IQCJ: variants seen among roughly 807,000 people sequenced by gnomAD.
IQCJ encodes IQ domain-containing protein J.
In IQCJ, 9 loss-of-function variants were observed where a neutral mutation model predicts 11.0. The observed-to-expected ratio is 0.82, with a 90% confidence interval of 0.49 to 1.43. The LOEUF is 1.43. Ranked by LOEUF, IQCJ falls within the 40% of genes most tolerant of loss-of-function variation. IQCJ has a pLI of 0.00. For missense variants in IQCJ, 146 were observed against 133.2 expected (o/e 1.10, Z -0.47); for synonymous variants, 55 against 51.3 (o/e 1.07, Z -0.31).
intron 3 of IQCJ, among the ~76,000 whole-genome samples, chr3:159,254,686 T>A (rs1416450878): frequency 6.6e-6 from 1 of 152,128 alleles, no homozygotes; most frequent in Non-Finnish European, 1.5e-5. Context: ...CCCTCTCCTC[T>A]TTCTATCTCC....
chr3:159,264,728 A>G (rs1032882268), downstream of IQCJ, among the ~76,000 whole-genome samples: 2 of 152,138 alleles, frequency 1.3e-5, no homozygotes, highest in Non-Finnish European at 2.9e-5. Context: ...CCTAGCTAAC[A>G]TAGCGAAACC....
chr3:159,121,709 A>G (rs1719390629), intron 1 of IQCJ, among the ~76,000 whole-genome samples: 1 of 152,166 alleles, frequency 6.6e-6, no homozygotes, highest in South Asian at 2.1e-4. Flanking sequence ...GCCTTTTGAA[A>G]CACATTTTCG....
chr3:159,171,527 C>A (rs1205392439), intron 1 of IQCJ, among the ~76,000 whole-genome samples: 3 of 152,148 alleles, frequency 2.0e-5, no homozygotes, highest in Admixed American at 2.0e-4. Flanking sequence ...GCTGCAGATT[C>A]AAGAATCATG....
chr3:159,220,747 A>G (rs1201283201), intron 1 of IQCJ, among the ~76,000 whole-genome samples: 1 of 152,166 alleles, frequency 6.6e-6, no homozygotes, highest in African/African-American at 2.4e-5. Flanking sequence ...ATGAGCAAAC[A>G]TTCACCTTGT....
chr3:159,177,426 T>C (rs1364731221), intron 1 of IQCJ, among the ~76,000 whole-genome samples: 4 of 152,104 alleles, frequency 2.6e-5, no homozygotes, highest in African/African-American at 7.2e-5. Flanking sequence ...AAAAAGACAA[T>C]GGCACAGCCA....
intron 1 of IQCJ, among the ~76,000 whole-genome samples, chr3:159,095,228 A>T (rs1717645375): frequency 6.6e-6 from 1 of 151,930 alleles, no homozygotes; most frequent in Non-Finnish European, 1.5e-5. Context: ...CAAGTGAAAA[A>T]TCACAATCTT....
intron 1 of IQCJ, among the ~76,000 whole-genome samples, chr3:159,203,445 G>A (rs1724466236): frequency 6.6e-6 from 1 of 151,374 alleles, no homozygotes; most frequent in Non-Finnish European, 1.5e-5. Context: ...TGACAGCATG[G>A]CCACAAACAT....
intron 1 of IQCJ, among the ~76,000 whole-genome samples, chr3:159,122,102 ATTTATTGGCTT>A (rs993926151): frequency 2.6e-5 from 4 of 152,046 alleles, no homozygotes; most frequent in African/African-American, 9.7e-5. Flanking sequence ...CAGGCTTCCA[ATTTATTGGCTT>A]TTTATTGGTT....
intron 1 of IQCJ, among the ~76,000 whole-genome samples, chr3:159,138,940 C>A (rs575125721): frequency 1.3e-5 from 2 of 152,146 alleles, no homozygotes; most frequent in Non-Finnish European, 2.9e-5. Flanking sequence ...TATTTGCCTA[C>A]AACAGTGAAA....
intron 1 of IQCJ, among the ~76,000 whole-genome samples, chr3:159,222,867 C>T (rs904540535): frequency 1.3e-5 from 2 of 151,946 alleles, no homozygotes; most frequent in African/African-American, 4.8e-5. Flanking sequence ...CCTGAGATTA[C>T]CAACCCAGAA....
chr3:159,075,187 G>A (rs1051467648), intron 1 of IQCJ, among the ~76,000 whole-genome samples: 2 of 152,112 alleles, frequency 1.3e-5, no homozygotes, highest in East Asian at 3.9e-4. Flanking sequence ...AATTTGCAAT[G>A]CAATATGAGA....
intron 1 of IQCJ, among the ~76,000 whole-genome samples, chr3:159,230,603 A>G (rs1260089956): frequency 2.6e-5 from 4 of 152,212 alleles, no homozygotes; most frequent in Non-Finnish European, 2.9e-5. Context: ...TCACACAGAA[A>G]GAAGGCATTA....
intron 1 of IQCJ, among the ~76,000 whole-genome samples, chr3:159,180,048 T>G (rs1456699183): frequency 6.6e-6 from 1 of 152,150 alleles, no homozygotes; most frequent in African/African-American, 2.4e-5. Flanking sequence ...TTTCACTTGG[T>G]AGAAGGCGCT....
intron 1 of IQCJ, among the ~76,000 whole-genome samples, chr3:159,103,807 G>T (rs1038181786): frequency 1.3e-5 from 2 of 152,246 alleles, no homozygotes; most frequent in African/African-American, 4.8e-5. Flanking sequence ...CCCAGCAACT[G>T]CTGAAGCTTA....
rs1449511871 is a variant in IQCJ at position 159,118,725 on chromosome 3, CA to C, written c.9+49285del. On this transcript the variant is annotated intron_variant, in intron 1 of 3. Coordinates refer to ENST00000397832, the MANE Select transcript of IQCJ (RefSeq NM_001042706.3). ...AAATATAAACCATACACATACTGAA[CA>C]CCATTTCTATGGTCTCAACTTAGGT... is the stretch of plus-strand genomic sequence containing the variant. Among the ~76,000 whole-genome samples the C allele has an allele frequency of 2.6e-5, 4 of 152,316 alleles. No individual in the cohort carries two copies. In the East Asian group the frequency reaches 7.7e-4, roughly 29 times the overall value.
At chr3:159,203,564 A>G (rs1366504317) in intron 1 of IQCJ, among the ~76,000 whole-genome samples, 1 of 152,062 alleles carries the variant, frequency 6.6e-6, no homozygotes, top group Non-Finnish European at 1.5e-5. Context: ...CAAACTCTAA[A>G]GGTAGCCTCA....
chr3:159,076,820 T>C (rs1715949442), intron 1 of IQCJ, among the ~76,000 whole-genome samples: 1 of 152,144 alleles, frequency 6.6e-6, no homozygotes, highest in South Asian at 2.1e-4. Flanking sequence ...GGCTCAAATC[T>C]GAGCATTATC....
chr3:159,138,662 G>C (rs961179127), intron 1 of IQCJ, among the ~76,000 whole-genome samples: 11 of 152,270 alleles, frequency 7.2e-5, no homozygotes, highest in African/African-American at 2.4e-4. Flanking sequence ...GGCTCTGTGT[G>C]GTGGTTGTGT....
At chr3:159,223,981 G>A (rs1190011352) in intron 1 of IQCJ, among the ~76,000 whole-genome samples, 1 of 151,766 alleles carries the variant, frequency 6.6e-6, no homozygotes, top group African/African-American at 2.4e-5. Flanking sequence ...AAGCATTTCT[G>A]GTCCCAAGCA....
Sources: gnomAD v4.1 joint callset for allele counts (sites outside exome capture counted in the v4.1 genomes callset) on GRCh38, gnomAD v4.1.1 for gene constraint, MANE v1.5 for transcripts, NCBI Gene and HGNC (gene_info 2026-07-23, HGNC 2026-07-21) for gene names.